Variants in CTNNA3 observed in about 807,000 individuals in gnomAD.
CTNNA3 encodes the protein catenin alpha 3.
A neutral mutation model predicts 95.7 loss-of-function variants in CTNNA3; 76 were observed. The observed-to-expected ratio is 0.79, with a 90% CI of 0.66 to 0.96. The LOEUF (loss-of-function observed/expected upper bound fraction) is 0.96, where lower values mean the gene tolerates loss of function less well. CTNNA3 is among the 40% of genes least tolerant of loss of function. CTNNA3 has a pLI of 0.00. For synonymous variants in CTNNA3, 431 were observed against 374.4 expected, an observed-to-expected ratio of 1.15 and a Z score of -1.74; for missense variants, 1,191 against 1,089.8, an observed-to-expected ratio of 1.09 and a Z score of -1.31.
chr10:67,363,731 G>T (rs1217611033), intron 5 of CTNNA3, among the ~76,000 whole-genome samples: 1 of 152,080 alleles, frequency 6.6e-6, no homozygotes, highest in Non-Finnish European at 1.5e-5. Context: ...TAGAAAAAAT[G>T]GATAAATTCC....
chr10:66,515,872 T>C (rs1564504824), intron 11 of CTNNA3, among the ~76,000 whole-genome samples: 2 of 152,046 alleles, frequency 1.3e-5, no homozygotes, highest in East Asian at 1.9e-4. Flanking sequence ...GTGGGAATTA[T>C]GGGAACTATA....
At chr10:67,237,441 G>A (rs537980103) in intron 5 of CTNNA3, among the ~76,000 whole-genome samples, 5 of 151,494 alleles carry the variant, frequency 3.3e-5, no homozygotes, top group South Asian at 4.2e-4. Context: ...AGTGTATACC[G>A]CTCAGATGAT....
At chr10:66,032,146 T>A (rs540542087) in intron 15 of CTNNA3, among the ~76,000 whole-genome samples, 15 of 152,278 alleles carry the variant, frequency 9.9e-5, no homozygotes, top group African/African-American at 2.9e-4. Flanking sequence ...AGGACATTTT[T>A]AAAAAATATA....
intron 12 of CTNNA3, among the ~76,000 whole-genome samples, chr10:66,331,776 G>A (rs1432534817): frequency 1.3e-5 from 2 of 151,890 alleles, no homozygotes; most frequent in Admixed American, 1.3e-4. Flanking sequence ...GATTGACTTG[G>A]CAATGCGGGC....
At chr10:66,032,982 T>G (rs923454518) in intron 15 of CTNNA3, among the ~76,000 whole-genome samples, 9 of 152,108 alleles carry the variant, frequency 5.9e-5, no homozygotes, top group African/African-American at 2.2e-4. Context: ...TCATTGTACT[T>G]TCCACAACAC....
At chr10:66,637,656 T>C (rs1467160120) in intron 9 of CTNNA3, among the ~76,000 whole-genome samples, 1 of 152,206 alleles carries the variant, frequency 6.6e-6, no homozygotes, top group Non-Finnish European at 1.5e-5. Flanking sequence ...CTTCCCCAGC[T>C]CTTGAGGGCA....
intron 10 of CTNNA3, among the ~76,000 whole-genome samples, chr10:66,607,495 A>AAAAC (rs1217667495): frequency 6.7e-6 from 1 of 150,016 alleles, no homozygotes; most frequent in African/African-American, 2.4e-5. Context: ...AAAAAAAAAA[A>AAAAC]AGCAAGAAAG....
At chr10:66,368,272 T>C (rs1270472405) in intron 12 of CTNNA3, among the ~76,000 whole-genome samples, 1 of 152,012 alleles carries the variant, frequency 6.6e-6, no homozygotes, top group Non-Finnish European at 1.5e-5. Flanking sequence ...AACTCAGTGT[T>C]GTGATAAGAA....
Position 66,775,483 on chromosome 10 carries a change from T to C in CTNNA3, c.1089A>G (p.Leu363=). 1.2e-5 allele frequency: 19 copies of C among 1,612,034 alleles called. No homozygotes were observed. The highest frequency in any genetic ancestry group is 1.6e-5 in the Non-Finnish European group (19 of 1,178,982). ...KERSNTLNIA[L]DNMCKKTRDL... is the part of the protein sequence containing the mutation. ...CTCTTGTCTTCTTACACATGTTGTC[T>C]AAAGCAATATTCAGGGTATTACTCC... The change falls in exon 8 of 18, where the codon TTA becomes TTG. Residue 363 remains leucine, a synonymous_variant. Transcript: ENST00000433211.
chr10:66,563,924 C>T (rs574203840), intron 10 of CTNNA3, among the ~76,000 whole-genome samples: 1 of 152,204 alleles, frequency 6.6e-6, no homozygotes, highest in South Asian at 2.1e-4. Flanking sequence ...AGTTATCCCG[C>T]TTTTCCAGAC....
intron 11 of CTNNA3, among the ~76,000 whole-genome samples, chr10:66,394,879 C>T (rs769461895): frequency 3.0e-4 from 45 of 151,878 alleles, no homozygotes; most frequent in Non-Finnish European, 2.9e-5. Context: ...AGGTATATGA[C>T]ACATATAGCA....
At chr10:66,500,215 CA>C (rs578159427) in intron 11 of CTNNA3, among the ~76,000 whole-genome samples, 6 of 151,230 alleles carry the variant, frequency 4.0e-5, no homozygotes, top group African/African-American at 9.7e-5. Flanking sequence ...CTATTCAAAC[CA>C]AAAAAAATTG....
At chr10:66,182,918 T>C (rs1031191717) in intron 13 of CTNNA3, among the ~76,000 whole-genome samples, 1 of 152,188 alleles carries the variant, frequency 6.6e-6, no homozygotes, top group Admixed American at 6.5e-5. Flanking sequence ...ACATTAAATG[T>C]GCGTTTTCTT....
At chr10:66,314,176 G>T (rs1226691170) in intron 12 of CTNNA3, among the ~76,000 whole-genome samples, 1 of 152,070 alleles carries the variant, frequency 6.6e-6, no homozygotes, top group Non-Finnish European at 1.5e-5. Context: ...GAGCTGCACA[G>T]GTAACATGAA....
chr10:66,932,521 C>T (rs1422152457), intron 7 of CTNNA3, among the ~76,000 whole-genome samples: 1 of 152,046 alleles, frequency 6.6e-6, no homozygotes, highest in African/African-American at 2.4e-5. Flanking sequence ...AGCTAACCCA[C>T]GGAGTTTTGC....
chr10:66,647,170 T>C (rs1845734654), intron 9 of CTNNA3, among the ~76,000 whole-genome samples: 1 of 152,208 alleles, frequency 6.6e-6, no homozygotes, highest in African/African-American at 2.4e-5. Context: ...ATGGACATTG[T>C]AAAACCAAAA....
At chr10:66,954,343 G>T (rs541670082) in intron 7 of CTNNA3, among the ~76,000 whole-genome samples, 1 of 152,064 alleles carries the variant, frequency 6.6e-6, no homozygotes, top group Non-Finnish European at 1.5e-5. Flanking sequence ...AAAAATCAAG[G>T]TTGCTGCTTC....
At chr10:67,119,813 A>T (rs1859368953) in intron 7 of CTNNA3, among the ~76,000 whole-genome samples, 1 of 151,868 alleles carries the variant, frequency 6.6e-6, no homozygotes, top group Non-Finnish European at 1.5e-5. Flanking sequence ...TCTCTAAGGT[A>T]TGTGACACAT....
chr10:67,560,322 G>A (rs1841458238), intron 3 of CTNNA3, among the ~76,000 whole-genome samples: 1 of 150,846 alleles, frequency 6.6e-6, no homozygotes, highest in South Asian at 2.1e-4. Context: ...AAGAGAGTGG[G>A]GGCCAATATT....
Sources: gnomAD v4.1 joint callset for allele counts (sites outside exome capture counted in the v4.1 genomes callset) on GRCh38, gnomAD v4.1.1 for gene constraint, MANE v1.5 for transcripts, NCBI Gene and HGNC (gene_info 2026-07-23, HGNC 2026-07-21) for gene names.